Variants in OCRL observed in about 807,000 individuals in gnomAD.
The protein encoded by OCRL is inositol polyphosphate 5-phosphatase OCRL.
OCRL carries 8 observed loss-of-function variants against 78.9 expected under a neutral mutation model. The observed-to-expected ratio is 0.10, with a 90% CI of 0.06 to 0.18. The LOEUF (loss-of-function observed/expected upper bound fraction) is 0.18, where lower values mean the gene tolerates loss of function less well. Among genes scored for constraint, OCRL ranks in the 10% least tolerant of loss-of-function variants. OCRL has a pLI of 1.00. For synonymous variants in OCRL, 240 were observed against 235.4 expected, an observed-to-expected ratio of 1.02 and a Z score of -0.18; for missense variants, 454 against 696.7, an observed-to-expected ratio of 0.65 and a Z score of 3.92.
intron 5 of OCRL, 44 bp from the exon 6 acceptor site, chrX:129,557,817 G>C: frequency 1.1e-6 from 1 of 920,075 alleles, no homozygotes; most frequent in Non-Finnish European, 1.6e-6. Flanking sequence ...ATTCTACTCA[G>C]TGAAAGACTT....
intron 3 of OCRL, among the ~76,000 whole-genome samples, 180 bp downstream of exon 3, chrX:129,545,217 G>A (rs1454235931): frequency 8.9e-6 from 1 of 112,579 alleles, no homozygotes; most frequent in African/African-American, 3.2e-5. Context: ...GGGTTATATC[G>A]AAATATATTT....
At chrX:129,584,197 A>G in intron 18 of OCRL, 147 bp from the exon 19 acceptor site, 2 of 498,712 alleles carry the variant, frequency 4.0e-6, no homozygotes, top group Non-Finnish European at 7.0e-6. Flanking sequence ...TTCAACAATC[A>G]TAATTTATTT....
chrX:129,564,638 G>A (rs1235593878), intron 12 of OCRL, among the ~76,000 whole-genome samples: 1 of 109,739 alleles, frequency 9.1e-6, no homozygotes, highest in Non-Finnish European at 1.9e-5. Context: ...ACCAAACACT[G>A]CATGTTCTCA....
chrX:129,541,852 T>C (rs1935807807), intron 2 of OCRL, among the ~76,000 whole-genome samples: 1 of 112,295 alleles, frequency 8.9e-6, no homozygotes, highest in African/African-American at 3.2e-5. Flanking sequence ...TCTGAGACTA[T>C]TGGTGCCACT....
intron 2 of OCRL, among the ~76,000 whole-genome samples, chrX:129,541,849 CTA>C (rs1181688044): frequency 8.9e-6 from 1 of 112,229 alleles, no homozygotes; most frequent in East Asian, 2.8e-4. Context: ...TTCTCTGAGA[CTA>C]TTGGTGCCAC....
intron 3 of OCRL, 26 bp from the exon 4 acceptor site, chrX:129,548,537 C>T (rs372621860): frequency 8.5e-7 from 1 of 1,177,814 alleles, no homozygotes; most frequent in Non-Finnish European, 1.2e-6. Flanking sequence ...TTCCCTAATC[C>T]TACTCTCTTT....
intron 14 of OCRL, 113 bp downstream of exon 14, chrX:129,567,476 A>G: frequency 1.9e-6 from 1 of 515,946 alleles, no homozygotes; most frequent in East Asian, 3.6e-5. Context: ...GCAGATATAT[A>G]AACCTAATGG....
intron 4 of OCRL, among the ~76,000 whole-genome samples, chrX:129,550,827 T>C (rs1935949398): frequency 9.0e-6 from 1 of 111,530 alleles, no homozygotes; most frequent in East Asian, 2.8e-4. Flanking sequence ...AGTGAGAATT[T>C]TGGGACCAGT....
At chrX:129,548,743 C>T in intron 4 of OCRL, 142 bp downstream of exon 4, 1 of 497,590 alleles carries the variant, frequency 2.0e-6, no homozygotes, top group Non-Finnish European at 3.4e-6. Flanking sequence ...TACAAATTAG[C>T]ACTGTTTCCC....
chrX:129,542,707 C>T (rs1935826169), intron 2 of OCRL, among the ~76,000 whole-genome samples: 1 of 111,411 alleles, frequency 9.0e-6, no homozygotes, highest in Non-Finnish European at 1.9e-5. Context: ...AGATCTGATC[C>T]TATGTAACAT....
Position 129,540,496 on chromosome X carries a change from G to A in OCRL, c.39+18G>A. 1 of 1,152,431 alleles carries A rather than the reference G, an allele frequency of 8.7e-7. No homozygotes were observed. The highest frequency in any genetic ancestry group is 1.2e-6 in the Non-Finnish European group (1 of 868,248). 95.0% of individuals were successfully genotyped at this position (1,152,431 alleles called of 1,213,427 possible). A position where few individuals can be genotyped will look rare whatever the true frequency, so the allele number is the denominator to read the frequency against. On this transcript the variant is annotated intron_variant, in intron 1 of 23. Coordinates refer to ENST00000371113, the MANE Select transcript of OCRL (RefSeq NM_000276.4). The stretch of plus-strand genomic sequence containing the variant: ...CGCTTGCCGTATCCGCCGGAGAGAA[G>A]GGAGAGGGGAGGCCGCGCAGGGCCG...
chrX:129,553,042 C>A (rs182294368), intron 4 of OCRL, among the ~76,000 whole-genome samples: 1 of 112,206 alleles, frequency 8.9e-6, no homozygotes, highest in African/African-American at 3.2e-5. Flanking sequence ...TTGGACAATA[C>A]TGGTATAGAA....
chrX:129,554,303 A>G (rs1368875620), intron 4 of OCRL: 1 of 111,523 alleles, frequency 9.0e-6, no homozygotes, highest in Non-Finnish European at 1.9e-5. Flanking sequence ...TCCCAGTAGC[A>G]ACTGAGGAAG....
chrX:129,548,744 A>G, intron 4 of OCRL, 143 bp downstream of exon 4: 1 of 499,290 alleles, frequency 2.0e-6, no homozygotes, highest in Non-Finnish European at 3.4e-6. Context: ...ACAAATTAGC[A>G]CTGTTTCCCA....
At chrX:129,547,090 G>A (rs1181141852) in intron 3 of OCRL, among the ~76,000 whole-genome samples, 1 of 110,969 alleles carries the variant, frequency 9.0e-6, no homozygotes, top group Non-Finnish European at 1.9e-5. Context: ...TTTGCCAGAC[G>A]TGGTGGCAGA....
chrX:129,590,828 C>T lies in OCRL; in HGVS notation c.*558C>T, dbSNP rs1275560747. The T allele has an allele frequency of 1.5e-5, 2 of 129,514 alleles. No homozygotes were observed. The highest frequency in any genetic ancestry group is 7.8e-5 in the Admixed American group (1 of 12,842). 10.7% of individuals were successfully genotyped at this position (129,514 alleles called of 1,213,427 possible). A position where few individuals can be genotyped will look rare whatever the true frequency, so the allele number is the denominator to read the frequency against. ...ACTGTCTGCGTGCAGTTATTACATG[C>T]ATTTGTGCATTTCTACTACAATGGC... is the stretch of plus-strand genomic sequence containing the variant. On this transcript the variant is annotated 3_prime_UTR_variant, in exon 24 of 24. Coordinates refer to ENST00000371113, the MANE Select transcript of OCRL (RefSeq NM_000276.4).
chrX:129,561,154 G>T (rs746064492), intron 9 of OCRL, 25 bp from the exon 10 acceptor site: 3 of 950,508 alleles, frequency 3.2e-6, no homozygotes, highest in Non-Finnish European at 4.6e-6. Context: ...GATATGTATA[G>T]ATCTCATATC....
chrX:129,579,516 T>G lies in OCRL; in HGVS notation c.2115+2964T>G, dbSNP rs191953187. Among the ~76,000 whole-genome samples the G allele has an allele frequency of 4.0e-4, 45 of 111,916 alleles. 1 individual carries two copies. The highest frequency in any genetic ancestry group is 3.9e-3 in the Admixed American group (41 of 10,524). ...ATCCTTATGCACTGTTTTAGAAAGATCCTTATGCCACACCATCTTCCCACC... is the reference window on the plus strand; with the variant it reads ...ATCCTTATGCACTGTTTTAGAAAGAGCCTTATGCCACACCATCTTCCCACC... On this transcript the variant is annotated intron_variant, in intron 18 of 23. Transcript: ENST00000371113.
At chrX:129,545,874 C>G (rs751950419) in intron 3 of OCRL, among the ~76,000 whole-genome samples, 2 of 110,392 alleles carry the variant, frequency 1.8e-5, no homozygotes, top group Admixed American at 1.9e-4. Context: ...CACCCCCCAG[C>G]TAATTTTTTT....
Sources: allele counts gnomAD v4.1 joint callset (sites outside exome capture counted in the v4.1 genomes callset), GRCh38; gene constraint gnomAD v4.1.1; transcripts MANE v1.5; gene names NCBI Gene and HGNC (gene_info 2026-07-23, HGNC 2026-07-21).